The following PLXNA4 variants were observed in gnomAD, a reference collection of about 807,000 sequenced individuals.
PLXNA4 encodes plexin-A4.
PLXNA4 carries 44 observed loss-of-function variants against 191.8 expected under a neutral mutation model. The ratio of observed to expected loss-of-function variants is 0.23; its 90% CI spans 0.18 to 0.29. The LOEUF (loss-of-function observed/expected upper bound fraction) is 0.29, where lower values mean the gene tolerates loss of function less well. Among genes scored for constraint, PLXNA4 ranks in the 10% least tolerant of loss-of-function variants. The pLI, the probability that PLXNA4 is intolerant of heterozygous loss-of-function variation, is 1.00. For missense variants in PLXNA4, 1,800 were observed against 2,488.8 expected, an observed-to-expected ratio of 0.72 and a Z score of 5.89; for synonymous variants, 1,082 against 1,009.5, an observed-to-expected ratio of 1.07 and a Z score of -1.36.
At chr7:132,405,190 C>CT (rs746435276) in intron 3 of PLXNA4, among the ~76,000 whole-genome samples, 6 of 152,056 alleles carry the variant, frequency 3.9e-5, no homozygotes, top group Non-Finnish European at 7.4e-5. Context: ...AAACATGGTA[C>CT]TCCCAGCTTG....
At chr7:132,557,710 A>T (rs1016720596) in intron 1 of PLXNA4, among the ~76,000 whole-genome samples, 1 of 152,116 alleles carries the variant, frequency 6.6e-6, no homozygotes, top group Non-Finnish European at 1.5e-5. Flanking sequence ...TCTAGAGACC[A>T]ACTCATTAGG....
At position 132,168,564 on chromosome 7, in the gene PLXNA4, G is replaced by A. The variant is rs1265369798; in HGVS notation, c.4026C>T (p.Gly1342=). ...CTTTCTCCACACGCTCCTGCCGGTA[G>A]CCCGGGACCTGCAGAGAGACCTAGG... ...HPVLRDLEVP[G]YRQERVEKGL... Residue 1342 remains glycine (G), a synonymous_variant, in exon 22 of 32, where the codon GGC becomes GGT. Transcript: ENST00000321063. The A allele has an allele frequency of 6.3e-6, 10 of 1,581,878 alleles. No individual in the cohort carries two copies. The highest frequency in any genetic ancestry group is 8.6e-6 in the Non-Finnish European group (10 of 1,162,448).
At chr7:132,256,140 C>T (rs1169219256) in intron 4 of PLXNA4, among the ~76,000 whole-genome samples, 1 of 152,184 alleles carries the variant, frequency 6.6e-6, no homozygotes, top group Admixed American at 6.5e-5. Flanking sequence ...CAGTGAGGCC[C>T]AGCATGGTGG....
intron 12 of PLXNA4, among the ~76,000 whole-genome samples, chr7:132,202,089 G>A (rs1323612690): frequency 1.3e-5 from 2 of 152,196 alleles, no homozygotes; most frequent in Non-Finnish European, 2.9e-5. Context: ...CCCAGTGTCT[G>A]CGTGTTTGGC....
chr7:132,563,413 C>CTT, intron 1 of PLXNA4, among the ~76,000 whole-genome samples: 2 of 80,578 alleles, frequency 2.5e-5, no homozygotes, highest in African/African-American at 4.9e-5. Context: ...TCCTCCTCTC[C>CTT]CTCCTCCTCC....
In PLXNA4 at chr7:132,182,082, C is replaced by T. The variant is rs1343188100; in HGVS notation, c.3252+15G>A. 6.2e-7 allele frequency: 1 copy of T among 1,614,146 alleles called. No homozygotes were observed. Among genetic ancestry groups the T allele is most frequent in the African/African-American group, 1.3e-5 (1 of 75,044 alleles). ...CATGGGCAGCCTCCATGAACCCCAT[C>T]AGCCCTACACTCACATTGATGTGCT... On this transcript the variant is annotated intron_variant, in intron 17 of 31. Transcript: ENST00000321063.
chr7:132,335,693 G>A (rs552407299), intron 3 of PLXNA4, among the ~76,000 whole-genome samples: 28 of 152,366 alleles, frequency 1.8e-4, no homozygotes, highest in Non-Finnish European at 1.2e-4. Flanking sequence ...ACGAATATGA[G>A]TTCATGGCAT....
intron 3 of PLXNA4, among the ~76,000 whole-genome samples, chr7:132,470,318 A>T (rs1796887187): frequency 1.3e-5 from 2 of 152,204 alleles, no homozygotes; most frequent in South Asian, 4.1e-4. Context: ...GAAGTGCTCT[A>T]GTTGGGAATG....
chr7:132,251,339 G>A (rs1428341807), intron 4 of PLXNA4, among the ~76,000 whole-genome samples: 1 of 152,134 alleles, frequency 6.6e-6, no homozygotes, highest in Admixed American at 6.5e-5. Context: ...AACTGGGACC[G>A]GGAACCTACT....
intron 25 of PLXNA4, among the ~76,000 whole-genome samples, chr7:132,158,887 T>C (rs892266075): frequency 3.3e-5 from 5 of 152,202 alleles, no homozygotes; most frequent in Non-Finnish European, 5.9e-5. Flanking sequence ...CATGCCCTTG[T>C]TTATAGAGGC....
At chr7:132,448,026 C>G (rs967840947) in intron 3 of PLXNA4, among the ~76,000 whole-genome samples, 11 of 152,040 alleles carry the variant, frequency 7.2e-5, no homozygotes, top group African/African-American at 2.7e-4. Context: ...ACAACAACAA[C>G]AGAAAACACC....
intron 1 of PLXNA4, among the ~76,000 whole-genome samples, chr7:132,553,419 A>T (rs1039874784): frequency 6.6e-6 from 1 of 152,176 alleles, no homozygotes; most frequent in Non-Finnish European, 1.5e-5. Context: ...GGTGATGGTC[A>T]TCAGCCCAGG....
intron 2 of PLXNA4, among the ~76,000 whole-genome samples, chr7:132,626,279 T>C (rs1335038987): frequency 6.6e-6 from 1 of 152,228 alleles, no homozygotes; most frequent in Non-Finnish European, 1.5e-5. Flanking sequence ...GACACTGTCA[T>C]GCACAGCCCA....
At chr7:132,360,849 A>G (rs966567364) in intron 3 of PLXNA4, among the ~76,000 whole-genome samples, 5 of 152,154 alleles carry the variant, frequency 3.3e-5, no homozygotes, top group African/African-American at 1.2e-4. Flanking sequence ...TTCCACCTCA[A>G]GTCTACCGAG....
At chr7:132,306,656 CGTT>C (rs922856969) in intron 3 of PLXNA4, among the ~76,000 whole-genome samples, 3 of 152,112 alleles carry the variant, frequency 2.0e-5, no homozygotes, top group African/African-American at 7.2e-5. Flanking sequence ...GGTAAGTACT[CGTT>C]GAATGAATGA....
intron 8 of PLXNA4, 33 bp downstream of exon 8, chr7:132,226,114 AAACTTGACCCCAGG>A (rs765024500): frequency 6.5e-7 from 1 of 1,545,516 alleles, no homozygotes; most frequent in Admixed American, 1.7e-5. Flanking sequence ...TCTTTGGATG[AAACTTGACCCCAGG>A]AACGGGAAGT....
At chr7:132,354,754 G>A (rs1803632045) in intron 3 of PLXNA4, among the ~76,000 whole-genome samples, 1 of 152,196 alleles carries the variant, frequency 6.6e-6, no homozygotes, top group Admixed American at 6.5e-5. Context: ...ACGTACAGAT[G>A]TGGCAAAGGC....
intron 12 of PLXNA4, among the ~76,000 whole-genome samples, chr7:132,200,597 T>C (rs1027189006): frequency 2.0e-5 from 3 of 152,064 alleles, no homozygotes; most frequent in Admixed American, 6.5e-5. Context: ...AGATAAAGGG[T>C]CTGAAGCATG....
At chr7:132,360,565 T>G (rs1489982403) in intron 3 of PLXNA4, among the ~76,000 whole-genome samples, 2 of 152,214 alleles carry the variant, frequency 1.3e-5, no homozygotes, top group African/African-American at 4.8e-5. Flanking sequence ...GCATATAGCA[T>G]ACTCATGACA....
Sources: allele counts gnomAD v4.1 joint callset (sites outside exome capture counted in the v4.1 genomes callset), GRCh38; gene constraint gnomAD v4.1.1; transcripts MANE v1.5; gene names NCBI Gene and HGNC (gene_info 2026-07-23, HGNC 2026-07-21).